Variants in NADK observed in about 807,000 individuals in gnomAD.
NADK encodes NAD kinase.
Under a neutral mutation model 49.8 loss-of-function variants are expected in NADK, and 22 were observed. The ratio of observed to expected loss-of-function variants is 0.44; its 90% CI spans 0.32 to 0.63. The LOEUF (loss-of-function observed/expected upper bound fraction) is 0.63, where lower values mean the gene tolerates loss of function less well. Among genes scored for constraint, NADK ranks in the 30% least tolerant of loss-of-function variants. The pLI is 0.06. For missense variants in NADK, 438 were observed against 609.4 expected, an observed-to-expected ratio of 0.72 and a Z score of 2.96; for synonymous variants, 268 against 253.7, an observed-to-expected ratio of 1.06 and a Z score of -0.54.
intron 1 of NADK, among the ~76,000 whole-genome samples, chr1:1,775,066 G>A (rs182793641): frequency 7.2e-5 from 11 of 151,936 alleles, no homozygotes; most frequent in African/African-American, 2.2e-4. Context: ...CTGAGATCAC[G>A]CCACTGCCCT....
At position 1,756,174 on chromosome 1, in the gene NADK, C is replaced by A. The variant is rs2100288802; in HGVS notation, c.585+84G>T. ...TGCTCTCGTATAAAGGGGTGAAAAG[C>A]AATGGAAGCCATGCTTGTGAGCCCC... On this transcript the variant is annotated intron_variant, in intron 6 of 11. Coordinates refer to ENST00000341426, the MANE Select transcript of NADK (RefSeq NM_023018.5). 6.2e-6 allele frequency: 8 copies of A among 1,289,330 alleles called. No homozygotes were observed. In the South Asian group the frequency reaches 7.1e-5, roughly 11 times the overall value. The allele number at this position is 1,289,330 out of a possible 1,614,324, so 79.9% of individuals were successfully genotyped here.
intron 1 of NADK, among the ~76,000 whole-genome samples, chr1:1,770,600 C>T (rs1360244304): frequency 1.3e-5 from 2 of 151,898 alleles, no homozygotes; most frequent in South Asian, 2.1e-4. Flanking sequence ...GGCATGGTGG[C>T]GGGTGCCTGT....
At chr1:1,760,276 A>G (rs1271123176) in intron 3 of NADK, among the ~76,000 whole-genome samples, 1 of 152,196 alleles carries the variant, frequency 6.6e-6, no homozygotes, top group African/African-American at 2.4e-5. Flanking sequence ...GTGGCACTGA[A>G]AGGGCTGGGC....
At chr1:1,774,960 T>A (rs1646168762) in intron 1 of NADK, among the ~76,000 whole-genome samples, 1 of 151,738 alleles carries the variant, frequency 6.6e-6, no homozygotes. Context: ...ACAAAAAAAA[T>A]TAGCTGGGCG....
Position 1,752,202 on chromosome 1 carries a change from G to A in NADK, c.*702C>T, listed in dbSNP as rs1056197826. The A allele has an allele frequency of 9.2e-5, 14 of 152,544 alleles. No homozygotes were observed. Among genetic ancestry groups the A allele is most frequent in the African/African-American group, 3.4e-4 (14 of 41,342 alleles). The allele number at this position is 152,544 out of a possible 1,614,324, so 9.4% of individuals were successfully genotyped here. A position where few individuals can be genotyped will look rare whatever the true frequency, so the allele number is the denominator to read the frequency against. ...CATCAGCACTTCAGAAAGTTTAAAA[G>A]AGTCTCTAAAAAGTATATACAGGAT... On this transcript the variant is annotated 3_prime_UTR_variant, in exon 12 of 12. Transcript: ENST00000341426.
rs1431528905 is a variant in NADK, at chr1:1,756,517, CA to C, written c.484del (p.Cys162ValfsTer14). The C allele has an allele frequency of 6.2e-7, 1 of 1,614,062 alleles. No homozygotes were observed. The highest frequency in any genetic ancestry group is 2.2e-5 in the East Asian group (1 of 44,878). The stretch of plus-strand genomic sequence containing the variant: ...TGACAGCCCACCTTCTCGAAAGGTA[CA>C]GAATTTCTTCTTCACTGCCCCAAAG... ...ESFGAVKKKF[C>X]TFREDYDDIS... is the part of the protein sequence containing the mutation. On this transcript the variant is annotated frameshift_variant, in exon 5 of 12. Transcript: ENST00000341426. LOFTEE classifies it high-confidence loss of function.
intron 3 of NADK, chr1:1,758,293 C>T (rs993638474): frequency 2.1e-5 from 32 of 1,516,268 alleles, no homozygotes; most frequent in Middle Eastern, 2.4e-4. Context: ...ACAACACAGA[C>T]GCCGATGGCA....
rs768954095 is a variant in NADK at position 1,754,407 on chromosome 1, ACT to A, written c.844-26_844-25del. On this transcript the variant is annotated intron_variant, in intron 8 of 11. Transcript: ENST00000341426. This position sits in a 1 kb window ranked among gnomAD's most constrained non-coding sequence, Gnocchi z 4.3. ...ACCTGGAGGGGCGACAGCATTGCAC[ACT>A]CAGGGCGGGGGATGCCGCACGGCTC... The A allele has an allele frequency of 2.5e-6, 4 of 1,611,786 alleles. No individual in the cohort carries two copies. The highest frequency in any genetic ancestry group is 2.2e-5 in the South Asian group (2 of 91,006).
chr1:1,753,112 C>A, intron 11 of NADK, 52 bp from the exon 12 acceptor site: 1 of 1,564,874 alleles, frequency 6.4e-7, no homozygotes, highest in Non-Finnish European at 8.7e-7. Context: ...AGGCCCACCC[C>A]CGGCCAAGAA....
chr1:1,756,750 A>C, intron 4 of NADK, 142 bp from the exon 5 acceptor site: 1 of 1,456,548 alleles, frequency 6.9e-7, no homozygotes, highest in Non-Finnish European at 9.5e-7. Flanking sequence ...CTGAAACTTC[A>C]TCACCAACGC....
At chr1:1,761,616 G>T (rs1467794880) in intron 3 of NADK, 1 of 249,574 alleles carries the variant, frequency 4.0e-6, no homozygotes, top group East Asian at 7.7e-5. Flanking sequence ...GATCTCATGT[G>T]GAAGCCGCCA....
intron 4 of NADK, chr1:1,756,874 C>G (rs1205655607): frequency 1.2e-6 from 1 of 804,522 alleles, no homozygotes; most frequent in Non-Finnish European, 2.2e-6. Flanking sequence ...AACCCCCACG[C>G]CTGCTCTTCT....
chr1:1,764,415 A>G (rs1645823178), intron 2 of NADK, among the ~76,000 whole-genome samples: 1 of 152,148 alleles, frequency 6.6e-6, no homozygotes, highest in Non-Finnish European at 1.5e-5. Flanking sequence ...TGCAAGGGTG[A>G]GCGCTGTGGG....
chr1:1,754,782 CA>C lies in NADK; in HGVS notation c.689-85del. 1 of 1,318,182 alleles carries C rather than the reference CA, an allele frequency of 7.6e-7. No homozygotes were observed. The highest frequency in any genetic ancestry group is 1.4e-5 in the South Asian group (1 of 70,454). 81.7% of individuals were successfully genotyped at this position (1,318,182 alleles called of 1,614,324 possible). On this transcript the variant is annotated intron_variant, in intron 7 of 11. Coordinates refer to ENST00000341426, the MANE Select transcript of NADK (RefSeq NM_023018.5). The surrounding 1 kb of genome is among the most constrained non-coding windows in gnomAD (Gnocchi z 4.3). ...CCACCCCAGGGAGGCCAGTGGGAGT[CA>C]GAGGGCTCTTTCTTCTCCCAAGTTG...
intron 3 of NADK, among the ~76,000 whole-genome samples, chr1:1,760,646 G>C (rs1049908534): frequency 6.6e-6 from 1 of 152,068 alleles, no homozygotes; most frequent in Non-Finnish European, 1.5e-5. Context: ...CTTGCAGAAA[G>C]TGAAGCATCC....
chr1:1,754,238 C>T lies in NADK; in HGVS notation c.944-30G>A, dbSNP rs766527108. 21 of 1,613,144 alleles carry T rather than the reference C, an allele frequency of 1.3e-5. No individual in the cohort carries two copies. The highest frequency in any genetic ancestry group is 6.7e-5 in the East Asian group (3 of 44,870). On this transcript the variant is annotated intron_variant, in intron 9 of 11. Coordinates refer to ENST00000341426, the MANE Select transcript of NADK (RefSeq NM_023018.5). The surrounding 1 kb of genome is among the most constrained non-coding windows in gnomAD (Gnocchi z 4.3). ...CAGGGACAGGCGCAGGCGTCACTCC[C>T]GCCCGAGGGACGCTCAGGGCCCCAG... is the stretch of plus-strand genomic sequence containing the variant.
At chr1:1,776,076 G>C (rs1570593459) in intron 1 of NADK, among the ~76,000 whole-genome samples, 1 of 152,258 alleles carries the variant, frequency 6.6e-6, no homozygotes, top group East Asian at 1.9e-4. Flanking sequence ...CCCTCTTGCT[G>C]TCATCCTACC....
Position 1,762,047 on chromosome 1 carries a change from G to A in NADK, c.180-12C>T. The A allele has an allele frequency of 6.2e-7, 1 of 1,613,258 alleles. No homozygotes were observed. On this transcript the variant is annotated splice_polypyrimidine_tract_variant and intron_variant, in intron 2 of 11. Transcript: ENST00000341426. ...GAGAGCGTGTCCTCCTGTGGGGAGA[G>A]GGCAGTGTCAGAGCCACCAGGGCCT...
chr1:1,761,719 G>A (rs573031388), intron 3 of NADK: 138 of 439,420 alleles, frequency 3.1e-4, no homozygotes, highest in Middle Eastern at 2.0e-3. Context: ...GGGAGCCCCC[G>A]CTCGGATGCC....
Sources: allele counts gnomAD v4.1 joint callset (sites outside exome capture counted in the v4.1 genomes callset), GRCh38; gene constraint gnomAD v4.1.1; non-coding constraint Gnocchi (gnomAD v3.1); transcripts MANE v1.5; gene names NCBI Gene and HGNC (gene_info 2026-07-23, HGNC 2026-07-21).